The following SUSD1 variants were observed in gnomAD, a reference collection of about 807,000 sequenced individuals.
SUSD1 encodes the protein sushi domain containing 1, also known as sushi domain-containing protein 1.
A neutral mutation model predicts 86.9 loss-of-function variants in SUSD1; 65 were observed. That is an observed-to-expected ratio of 0.75 (90% CI 0.61 to 0.92). The LOEUF is 0.92. Ranked by LOEUF, SUSD1 falls within the 40% of genes least tolerant of loss-of-function variation. SUSD1 has a pLI of 0.00. For synonymous variants in SUSD1, 346 were observed against 350.0 expected (o/e 0.99, Z 0.13); for missense variants, 850 against 929.7 (o/e 0.91, Z 1.11).
chr9:112,155,907 AAAGAAGAGGAGGAGG>A (rs917434160), intron 2 of SUSD1, among the ~76,000 whole-genome samples: 2 of 151,350 alleles, frequency 1.3e-5, no homozygotes, highest in Non-Finnish European at 2.9e-5. Context: ...AGGAGAAAAG[AAAGAAGAGGAGGAGG>A]AAGAAGAAGG....
At chr9:112,142,603 G>C in intron 4 of SUSD1, 104 bp from the exon 5 acceptor site, 1 of 1,081,504 alleles carries the variant, frequency 9.2e-7, no homozygotes, top group Admixed American at 2.7e-5. Flanking sequence ...ACACACCCCC[G>C]AGCCATATTT....
intron 1 of SUSD1, among the ~76,000 whole-genome samples, chr9:112,173,314 A>C (rs530196477): frequency 2.0e-5 from 3 of 152,168 alleles, no homozygotes; most frequent in African/African-American, 7.2e-5. Flanking sequence ...ATTCTCAACC[A>C]CAAGTCTCCT....
chr9:112,128,442 G>A (rs1037160721), intron 5 of SUSD1, among the ~76,000 whole-genome samples: 9 of 151,786 alleles, frequency 5.9e-5, no homozygotes, highest in African/African-American at 1.5e-4. Context: ...CACCCAGGCC[G>A]GAGTACAGTG....
intron 10 of SUSD1, among the ~76,000 whole-genome samples, chr9:112,090,555 C>CA (rs139940439): frequency 2.6e-5 from 4 of 151,194 alleles, no homozygotes; most frequent in East Asian, 3.9e-4. Flanking sequence ...TAAAGAGTGT[C>CA]AAAAAAAATA....
At chr9:112,095,540 C>T (rs1179696088) in intron 10 of SUSD1, among the ~76,000 whole-genome samples, 1 of 152,186 alleles carries the variant, frequency 6.6e-6, no homozygotes, top group African/African-American at 2.4e-5. Flanking sequence ...GTTTCCTGGA[C>T]CTCATCAGAC....
At chr9:112,138,242 TATATATATATATATGTGTATATAC>T (rs1422388666) in intron 5 of SUSD1, among the ~76,000 whole-genome samples, 8 of 34,042 alleles carry the variant, frequency 2.4e-4, no homozygotes, top group African/African-American at 7.6e-4. Flanking sequence ...AATGTGTATA[TATATATATATATATGTGTATATAC>T]ATATATATAT....
At chr9:112,078,169 AC>A (rs1272627971) in intron 12 of SUSD1, among the ~76,000 whole-genome samples, 1 of 151,964 alleles carries the variant, frequency 6.6e-6, no homozygotes, top group African/African-American at 2.4e-5. Context: ...ACATAGTGAA[AC>A]CCCGTCTCTA....
At chr9:112,059,791 T>G (rs1828629623) in intron 13 of SUSD1, among the ~76,000 whole-genome samples, 1 of 152,212 alleles carries the variant, frequency 6.6e-6, no homozygotes, top group Admixed American at 6.5e-5. Context: ...ACACTTCCCT[T>G]CTATTCCCAT....
At chr9:112,165,941 A>G (rs199894230) in intron 1 of SUSD1, among the ~76,000 whole-genome samples, 5,576 of 75,356 alleles carry the variant, frequency 0.074, 176 homozygotes, top group East Asian at 0.12. Flanking sequence ...AAAGAAAGAA[A>G]GAAGAAAGAA....
intron 8 of SUSD1, among the ~76,000 whole-genome samples, chr9:112,106,053 G>C (rs1338441892): frequency 6.6e-6 from 1 of 152,018 alleles, no homozygotes; most frequent in South Asian, 2.1e-4. Flanking sequence ...GCAGTGGTGC[G>C]ATCTTGGCTC....
chr9:112,075,410 T>TA (rs71274274), intron 12 of SUSD1, among the ~76,000 whole-genome samples: 12,296 of 148,710 alleles, frequency 0.083, 588 homozygotes, highest in Non-Finnish European at 0.11. Context: ...AGAAAGAAAA[T>TA]AAAAAAAAAA....
intron 10 of SUSD1, among the ~76,000 whole-genome samples, chr9:112,096,300 C>G (rs1232199962): frequency 6.6e-6 from 1 of 152,160 alleles, no homozygotes; most frequent in African/African-American, 2.4e-5. Flanking sequence ...GTTTCCATGA[C>G]ATTCCTAGAA....
At chr9:112,168,548 T>C (rs1382829226) in intron 1 of SUSD1, among the ~76,000 whole-genome samples, 2 of 152,198 alleles carry the variant, frequency 1.3e-5, no homozygotes, top group Middle Eastern at 3.2e-3. Context: ...ACACTCTCAC[T>C]CTTTACTTCA....
At chr9:112,158,177 T>C (rs1260211044) in intron 1 of SUSD1, among the ~76,000 whole-genome samples, 1 of 152,058 alleles carries the variant, frequency 6.6e-6, no homozygotes, top group African/African-American at 2.4e-5. Context: ...AGCCTCATTG[T>C]TTCCGAGCCC....
At position 112,124,367 on chromosome 9, in the gene SUSD1, C is replaced by A. The variant is rs1234552927; in HGVS notation, c.776G>T (p.Gly259Val). The change falls in exon 6 of 17, where the codon GGC becomes GTC. Residue 259 changes from glycine (G) to valine (V), a missense_variant. Transcript: ENST00000374270. ...TTGACAGACATAGCGAGCCACACCG[C>A]CCAGCCTGGAGCTGTGATTTCCTAC... is the stretch of plus-strand genomic sequence containing the variant. ...ILVGNHSSRL[G>V]GVARYVCQEG... 1.9e-6 allele frequency: 3 copies of A among 1,614,070 alleles called. No individual in the cohort carries two copies. The highest frequency in any genetic ancestry group is 2.5e-6 in the Non-Finnish European group (3 of 1,180,018).
chr9:112,161,457 T>G (rs1319608988), intron 1 of SUSD1, among the ~76,000 whole-genome samples: 2 of 151,992 alleles, frequency 1.3e-5, no homozygotes, highest in African/African-American at 2.4e-5. Flanking sequence ...TGGGTCAAGT[T>G]GAAGAACCCA....
At chr9:112,151,639 C>T (rs576488330) in intron 2 of SUSD1, among the ~76,000 whole-genome samples, 63 of 149,498 alleles carry the variant, frequency 4.2e-4, no homozygotes, top group Admixed American at 9.3e-4. Context: ...CAGTGGCTCA[C>T]GTCTGTAATC....
chr9:112,109,823 T>C (rs1035481552), intron 8 of SUSD1, among the ~76,000 whole-genome samples: 2 of 152,252 alleles, frequency 1.3e-5, no homozygotes, highest in African/African-American at 4.8e-5. Flanking sequence ...ATATTAATTT[T>C]ATAATATCTT....
At chr9:112,064,626 A>C (rs1828891833) in intron 12 of SUSD1, among the ~76,000 whole-genome samples, 1 of 151,522 alleles carries the variant, frequency 6.6e-6, no homozygotes, top group Non-Finnish European at 1.5e-5. Context: ...CTGTAATCCC[A>C]GCACTTTGGA....
Sources: gnomAD v4.1 joint callset for allele counts (sites outside exome capture counted in the v4.1 genomes callset) on GRCh38, gnomAD v4.1.1 for gene constraint, MANE v1.5 for transcripts, NCBI Gene and HGNC (gene_info 2026-07-23, HGNC 2026-07-21) for gene names.